Variants in MPP7 observed in about 807,000 individuals in gnomAD.
MPP7 encodes the protein MAGUK p55 scaffold protein 7.
MPP7 carries 60 observed loss-of-function variants against 76.5 expected under a neutral mutation model. The observed-to-expected ratio is 0.78, with a 90% CI of 0.64 to 0.97. The LOEUF (loss-of-function observed/expected upper bound fraction) is 0.97. Among genes scored for constraint, MPP7 ranks in the 50% least tolerant of loss-of-function variants. The pLI is 0.00. For missense variants in MPP7, 641 were observed against 694.0 expected (o/e 0.92, Z 0.86); for synonymous variants, 237 against 244.5 (o/e 0.97, Z 0.29).
At chr10:28,128,791 C>T (rs1287836999) in intron 6 of MPP7, among the ~76,000 whole-genome samples, 4 of 152,014 alleles carry the variant, frequency 2.6e-5, no homozygotes, top group African/African-American at 4.8e-5. Context: ...GATGGATATA[C>T]GAATTTAAAG....
chr10:28,147,350 TTAGGCTATTAAAATAC>T, intron 5 of MPP7, 117 bp downstream of exon 5: 2 of 674,640 alleles, frequency 3.0e-6, no homozygotes, highest in South Asian at 3.6e-5. Flanking sequence ...TTAATAGGAT[TTAGGCTATTAAAATAC>T]TGTGCCCTAT....
intron 12 of MPP7, 58 bp from the exon 13 acceptor site, chr10:28,069,910 G>A: frequency 2.3e-6 from 3 of 1,287,840 alleles, no homozygotes; most frequent in Admixed American, 1.8e-5. Flanking sequence ...AAACATTTCT[G>A]TAACTGACAT....
intron 13 of MPP7, 87 bp from the exon 14 acceptor site, chr10:28,059,830 A>C: frequency 1.1e-6 from 1 of 878,358 alleles, no homozygotes; most frequent in Non-Finnish European, 1.8e-6. Flanking sequence ...GTATTTAATT[A>C]GTTTTTTCAA....
intron 12 of MPP7, among the ~76,000 whole-genome samples, chr10:28,087,607 G>T (rs1394710742): frequency 6.6e-6 from 1 of 152,148 alleles, no homozygotes; most frequent in Non-Finnish European, 1.5e-5. Flanking sequence ...TGTTGGGCAG[G>T]CTGGTCTTGA....
At chr10:28,139,190 T>C (rs1340464978) in intron 5 of MPP7, among the ~76,000 whole-genome samples, 1 of 152,206 alleles carries the variant, frequency 6.6e-6, no homozygotes, top group Non-Finnish European at 1.5e-5. Flanking sequence ...TTGTATTTAT[T>C]GGGTAGAAAG....
At chr10:28,242,404 C>T (rs887720633) in intron 1 of MPP7, among the ~76,000 whole-genome samples, 9 of 152,114 alleles carry the variant, frequency 5.9e-5, no homozygotes, top group Non-Finnish European at 1.2e-4. Context: ...CTGAAAGACT[C>T]ATTAGTTCTA....
intron 3 of MPP7, among the ~76,000 whole-genome samples, chr10:28,159,388 T>G (rs1836180651): frequency 6.6e-6 from 1 of 152,224 alleles, no homozygotes; most frequent in African/African-American, 2.4e-5. Flanking sequence ...TTTTAAAAAT[T>G]TATTCACTTA....
chr10:28,145,667 T>C (rs1407603679), intron 5 of MPP7, among the ~76,000 whole-genome samples: 1 of 152,188 alleles, frequency 6.6e-6, no homozygotes, highest in Non-Finnish European at 1.5e-5. Flanking sequence ...AACTACAAAC[T>C]GACATTGCCA....
chr10:28,181,235 A>G (rs1837047793), intron 3 of MPP7, among the ~76,000 whole-genome samples: 1 of 152,192 alleles, frequency 6.6e-6, no homozygotes, highest in Non-Finnish European at 1.5e-5. Context: ...TTACGTGAAA[A>G]TGGAAAGAAT....
At chr10:28,286,127 A>G (rs927155146) in intron 1 of MPP7, among the ~76,000 whole-genome samples, 12 of 152,016 alleles carry the variant, frequency 7.9e-5, no homozygotes, top group African/African-American at 2.7e-4. Context: ...GGCGGATCAC[A>G]AGGTCAGGAG....
At chr10:28,246,151 A>T (rs966137748) in intron 1 of MPP7, among the ~76,000 whole-genome samples, 1 of 152,186 alleles carries the variant, frequency 6.6e-6, no homozygotes, top group African/African-American at 2.4e-5. Context: ...TCATGCTAAG[A>T]CATATTATAA....
rs1853721512 is a variant in MPP7 at position 28,099,605 on chromosome 10, G to C, written c.953-9764C>G. On this transcript the variant is annotated intron_variant, in intron 11 of 16. Transcript: ENST00000683449. ...GGATCACCTGAGGTCGGGAGTTCGA[G>C]GCTAGCCTGACCAACATGGAGAAAC... 2.0e-5 allele frequency among the ~76,000 whole-genome samples: 3 copies of C among 152,114 alleles called. No individual in the cohort carries two copies. In the South Asian group the frequency reaches 6.2e-4, roughly 31 times the overall value.
chr10:28,240,032 A>G (rs1391158668), intron 1 of MPP7, among the ~76,000 whole-genome samples: 1 of 152,188 alleles, frequency 6.6e-6, no homozygotes, highest in Non-Finnish European at 1.5e-5. Flanking sequence ...ACATTGGCCT[A>G]ACACCTAGAG....
chr10:28,231,447 G>A (rs1469015257), intron 2 of MPP7, among the ~76,000 whole-genome samples: 1 of 150,564 alleles, frequency 6.6e-6, no homozygotes, highest in African/African-American at 2.4e-5. Context: ...AGAAAATAAA[G>A]CCATAAGTTT....
At chr10:28,162,160 G>A (rs963989720) in intron 3 of MPP7, among the ~76,000 whole-genome samples, 2 of 152,054 alleles carry the variant, frequency 1.3e-5, no homozygotes, top group Admixed American at 6.5e-5. Context: ...AAGAAGCAAA[G>A]GAAACACTGT....
At chr10:28,082,523 C>T (rs1278181544) in intron 12 of MPP7, among the ~76,000 whole-genome samples, 1 of 152,030 alleles carries the variant, frequency 6.6e-6, no homozygotes, top group Non-Finnish European at 1.5e-5. Context: ...GTGGTATAAC[C>T]ACAGCTCTCT....
At chr10:28,323,806 A>G (rs1395204839) in intron 2 of MPP7, among the ~76,000 whole-genome samples, 1 of 152,162 alleles carries the variant, frequency 6.6e-6, no homozygotes, top group Admixed American at 6.5e-5. Context: ...GATGGTTTGG[A>G]TGCCGGGTGA....
chr10:28,118,735 C>T (rs1834735891), intron 11 of MPP7: 1 of 985,382 alleles, frequency 1.0e-6, no homozygotes, highest in Non-Finnish European at 1.2e-6. Context: ...CATTTGCCTG[C>T]TTGTGAGATT....
In MPP7 at chr10:28,212,073, A is replaced by G. The variant is rs1588931072; in HGVS notation, c.38-9802T>C. Among the ~76,000 whole-genome samples, 3 of 152,008 alleles carry G rather than the reference A, an allele frequency of 2.0e-5. No homozygotes were observed. The East Asian group carries it at 5.8e-4, about 29-fold the overall frequency. On this transcript the variant is annotated intron_variant, in intron 2 of 16. Coordinates refer to ENST00000683449, the MANE Select transcript of MPP7 (RefSeq NM_001318170.2). ...GGCTGTAGTGAGCCATGATTGCACC[A>G]CTGCTCTCTGGCCTGGGCAACAGAA...
Sources: gnomAD v4.1 joint callset for allele counts (sites outside exome capture counted in the v4.1 genomes callset) on GRCh38, gnomAD v4.1.1 for gene constraint, MANE v1.5 for transcripts, NCBI Gene and HGNC (gene_info 2026-07-23, HGNC 2026-07-21) for gene names.